C7orf25: variants seen among roughly 807,000 people sequenced by gnomAD.
C7orf25 encodes chromosome 7 open reading frame 25.
Under a neutral mutation model 25.5 loss-of-function variants are expected in C7orf25, and 14 were observed. The ratio of observed to expected loss-of-function variants is 0.55; its 90% confidence interval spans 0.36 to 0.86. The LOEUF (loss-of-function observed/expected upper bound fraction) is 0.86. Among genes scored for constraint, C7orf25 ranks in the 40% least tolerant of loss-of-function variants. The probability of loss-of-function intolerance (pLI) is 0.01; values close to 1 mark genes in which losing one functional copy is unlikely to be tolerated. For synonymous variants in C7orf25, 184 were observed against 179.9 expected (o/e 1.02, Z -0.18); for missense variants, 405 against 493.9 (o/e 0.82, Z 1.71).
In C7orf25 at chr7:42,909,785, T is replaced by C; in HGVS notation, c.1116A>G (p.Thr372=). The C allele has an allele frequency of 6.2e-7, 1 of 1,614,180 alleles. No individual in the cohort carries two copies. The highest frequency in any genetic ancestry group is 1.1e-5 in the South Asian group (1 of 91,086). The change falls in exon 2 of 2, where the codon ACA becomes ACG. Residue 372 remains threonine, a synonymous_variant. Transcript: ENST00000350427. The part of the protein sequence containing the change: ...FGTGDTLKAI[T]MTANSGFVRA... ...TGACAAAACCACTATTAGCAGTCAT[T>C]GTGATGGCTTTTAGGGTGTCTCCCG...
In C7orf25 at chr7:42,910,528, C is replaced by G; in HGVS notation, c.373G>C (p.Glu125Gln). Residue 125 changes from glutamate (E) to glutamine (Q), a missense_variant, in exon 2 of 2, where the codon GAA (glutamate) becomes CAA (glutamine). By Grantham distance (29) the Glu-to-Gln change is conservative. Transcript: ENST00000350427. ...CCCAGCCAGATGTTATGAAGAGCTT[C>G]AGCCTTCCGGCCAATGGCTTTCACC... ...TWVKAIGRKA[E>Q]ALHNIWLGRG... 6.2e-7 allele frequency: 1 copy of G among 1,614,250 alleles called. No individual in the cohort carries two copies. The highest frequency in any genetic ancestry group is 8.5e-7 in the Non-Finnish European group (1 of 1,180,048).
chr7:42,911,960 C>G lies in C7orf25; in HGVS notation c.-67G>C, dbSNP rs1484102859. 2 of 1,491,686 alleles carry G rather than the reference C, an allele frequency of 1.3e-6. No homozygotes were observed. Among genetic ancestry groups the G allele is most frequent in the East Asian group, 5.7e-5 (2 of 34,824 alleles). The allele number at this position is 1,491,686 out of a possible 1,614,324, so 92.4% of individuals were successfully genotyped here. A position where few individuals can be genotyped will look rare whatever the true frequency, so the allele number is the denominator to read the frequency against. On this transcript the variant is annotated 5_prime_UTR_variant, in exon 1 of 2. Transcript: ENST00000350427. ...GCGCGAGCACGCAGGCGCGTGCACG[C>G]AGAGGCCGGGACCCGCCGGGAAATC... is the stretch of plus-strand genomic sequence containing the variant.
At chr7:42,911,686 C>T (rs1785904405) in intron 1 of C7orf25, 1 of 1,150,940 alleles carries the variant, frequency 8.7e-7, no homozygotes, top group Non-Finnish European at 1.1e-6. Context: ...GCGGGGCCTT[C>T]TCGGTGGGCT....
rs557840899 is a variant in C7orf25, at chr7:42,909,613, C to T, written c.*22G>A. ...CTTTGGTATAAATAACTTACTTCCA[C>T]AAAAATATTTAAAGGGTATCTTTAG... On this transcript the variant is annotated 3_prime_UTR_variant, in exon 2 of 2. Coordinates refer to ENST00000350427, the MANE Select transcript of C7orf25 (RefSeq NM_001099858.2). The T allele has an allele frequency of 3.2e-5, 51 of 1,581,138 alleles. 2 individuals carry two copies. In the South Asian group the frequency reaches 5.7e-4, roughly 18 times the overall value.
intron 1 of C7orf25, chr7:42,911,262 G>T: frequency 4.8e-6 from 3 of 628,604 alleles, no homozygotes; most frequent in Non-Finnish European, 7.0e-6. Flanking sequence ...TCTATCAGCG[G>T]CCTGTTTAAC....
chr7:42,911,747 A>T (rs1362660240), intron 1 of C7orf25, 168 bp downstream of exon 1: 1 of 1,213,212 alleles, frequency 8.2e-7, no homozygotes, highest in Non-Finnish European at 1.0e-6. Context: ...CCCTGCCAGG[A>T]GGGGCCGGGG....
Position 42,910,817 on chromosome 7 carries a change from T to G in C7orf25, c.84A>C (p.Arg28Ser). The G allele has an allele frequency of 6.2e-7, 1 of 1,614,244 alleles. No individual in the cohort carries two copies. Among genetic ancestry groups the G allele is most frequent in the Non-Finnish European group, 8.5e-7 (1 of 1,180,046 alleles). The change falls in exon 2 of 2, where the codon AGA becomes AGC. Residue 28 changes from arginine (R) to serine (S), a missense_variant. Physicochemically the swap from Arg to Ser is moderately radical, Grantham distance 110 (BLOSUM62 -1). Coordinates refer to ENST00000350427, the MANE Select transcript of C7orf25 (RefSeq NM_001099858.2). ...TTGCACCACCTTCTATGCCACCTTT[T>G]CTTGATCTAGAAAGTGATTCTGCTC... The part of the protein sequence containing the change: ...IKRAESLSRS[R>S]KGGIEGGAKL...
Position 42,910,781 on chromosome 7 carries a change from G to C in C7orf25, c.120C>G (p.Ser40Arg). 5.0e-6 allele frequency: 8 copies of C among 1,614,156 alleles called. No homozygotes were observed. The highest frequency in any genetic ancestry group is 6.8e-6 in the Non-Finnish European group (8 of 1,180,028). ...AGAATTTTAATTCTGCCTTCAATTT[G>C]CTGCACAGCTTTGCACCACCTTCTA... The part of the protein sequence containing the change: ...GGIEGGAKLC[S>R]KLKAELKFLQ... Residue 40 changes from serine to arginine, a missense_variant, in exon 2 of 2, where the codon AGC (serine) becomes AGG (arginine). By Grantham distance (110) the Ser-to-Arg change is moderately radical. Coordinates refer to ENST00000350427, the MANE Select transcript of C7orf25 (RefSeq NM_001099858.2).
chr7:42,911,721 C>T lies in C7orf25; in HGVS notation c.-22+194G>A, dbSNP rs867181112. 6.2e-5 allele frequency: 74 copies of T among 1,193,370 alleles called. 3 individuals are homozygous for T. The South Asian group carries it at 3.0e-3, about 48-fold the overall frequency. The allele number at this position is 1,193,370 out of a possible 1,614,324, so 73.9% of individuals were successfully genotyped here. On this transcript the variant is annotated intron_variant, in intron 1 of 1. Transcript: ENST00000350427. Reference sequence around the variant, plus strand: ...TGCGGGGCCCTCGGCCCTGCCCGGCCACCTGCACAGCCGGGCCCTGCCAGG... The same window carrying T: ...TGCGGGGCCCTCGGCCCTGCCCGGCTACCTGCACAGCCGGGCCCTGCCAGG...
intron 1 of C7orf25, 126 bp downstream of exon 1, chr7:42,911,789 C>T: frequency 7.9e-7 from 1 of 1,266,476 alleles, no homozygotes; most frequent in Non-Finnish European, 9.9e-7. Context: ...CGCCGCGGCT[C>T]AGGGACCAGG....
At position 42,910,452 on chromosome 7, in the gene C7orf25, AG is replaced by A; in HGVS notation, c.448del (p.Leu150SerfsTer32). On this transcript the variant is annotated frameshift_variant, in exon 2 of 2. Coordinates refer to ENST00000350427, the MANE Select transcript of C7orf25 (RefSeq NM_001099858.2). LOFTEE classifies it high-confidence loss of function. ...KSIIEQAEDF[L>X]QASHQQPVQY... is the part of the protein sequence containing the mutation. ...CACTGGCTGCTGGTGACTGGCCTGG[AG>A]GAAGTCTTCAGCCTGCTCAATGATG... is the stretch of plus-strand genomic sequence containing the variant. The A allele has an allele frequency of 1.2e-6, 2 of 1,614,276 alleles. No individual in the cohort carries two copies. The highest frequency in any genetic ancestry group is 1.7e-6 in the Non-Finnish European group (2 of 1,180,050).
chr7:42,909,685 C>T lies in C7orf25; in HGVS notation c.1216G>A (p.Ala406Thr), dbSNP rs1484244406. ...TCTTTTGGTAAGGGGGTGGCTAGAG[C>T]CTCTTTACTCTCAGTAAGTGCTCTG... is the stretch of plus-strand genomic sequence containing the variant. ...QPRALTESKE[A>T]LATPLPKDYT... The change falls in exon 2 of 2, where the codon GCT (alanine) becomes ACT (threonine). Residue 406 changes from alanine to threonine, a missense_variant. Ala to Thr is a moderately conservative substitution (Grantham distance 58). Transcript: ENST00000350427. 2.5e-6 allele frequency: 4 copies of T among 1,613,972 alleles called. No individual in the cohort carries two copies. The African/African-American group carries it at 5.3e-5, about 22-fold the overall frequency.
chr7:42,911,587 G>A, intron 1 of C7orf25: 1 of 1,028,046 alleles, frequency 9.7e-7, no homozygotes, highest in Non-Finnish European at 1.2e-6. Context: ...AGGAAAATCC[G>A]AAGATGAAAC....
rs1202335295 is a variant in C7orf25, at chr7:42,909,923, CCT to C, written c.976_977del (p.Arg326GlyfsTer6). 4 of 1,613,966 alleles carry C rather than the reference CCT, an allele frequency of 2.5e-6. No individual in the cohort carries two copies. Among genetic ancestry groups the C allele is most frequent in the Non-Finnish European group, 8.5e-7 (1 of 1,180,002 alleles). The part of the protein sequence containing the change: ...DTLGGPGERE[R>X]ATVLIKRINV... ...TAATTCGCTTAATTAACACAGTGGCCCTCTCTCTCTCCCCAGGTCCTCCTAAG... is the reference window on the plus strand; with the variant it reads ...TAATTCGCTTAATTAACACAGTGGCCCTCTCTCTCCCCAGGTCCTCCTAAG... On this transcript the variant is annotated frameshift_variant, in exon 2 of 2. Transcript: ENST00000350427. LOFTEE classifies it high-confidence loss of function.
At chr7:42,911,748 G>A in intron 1 of C7orf25, 167 bp downstream of exon 1, 3 of 1,219,288 alleles carry the variant, frequency 2.5e-6, no homozygotes, top group Non-Finnish European at 3.1e-6. Context: ...CCTGCCAGGA[G>A]GGGCCGGGGC....
chr7:42,910,020 G>C lies in C7orf25; in HGVS notation c.881C>G (p.Ala294Gly), dbSNP rs182397640. The C allele has an allele frequency of 3.1e-6, 5 of 1,614,118 alleles. No individual in the cohort carries two copies. The highest frequency in any genetic ancestry group is 3.3e-5 in the Admixed American group (2 of 60,008). Reference protein sequence around the residue: ...RKEQVLPQLEAFMKDKELFAC... With the variant: ...RKEQVLPQLEGFMKDKELFAC... ...AAACAACTCCTTGTCCTTCATAAAG[G>C]CCTCCAGCTGAGGTAGAACCTGCTC... The change falls in exon 2 of 2, where the codon GCC becomes GGC. Residue 294 changes from alanine (A) to glycine (G), a missense_variant. Physicochemically the swap from Ala to Gly is moderately conservative, Grantham distance 60 (BLOSUM62 0). Coordinates refer to ENST00000350427, the MANE Select transcript of C7orf25 (RefSeq NM_001099858.2).
chr7:42,910,105 C>T lies in C7orf25; in HGVS notation c.796G>A (p.Gly266Ser). ...TTCTCTTTGAAAATAAAGTGGCAGC[C>T]TCCATAGCTGAGGGCAGATACATAT... ...ITYVSALSYG[G>S]CHFIFKEKVL... Residue 266 changes from glycine (G) to serine (S), a missense_variant, in exon 2 of 2, where the codon GGC becomes AGC. By Grantham distance (56) the Gly-to-Ser change is moderately conservative. Coordinates refer to ENST00000350427, the MANE Select transcript of C7orf25 (RefSeq NM_001099858.2). The T allele has an allele frequency of 1.9e-6, 3 of 1,614,156 alleles. No individual in the cohort carries two copies. The highest frequency in any genetic ancestry group is 1.7e-6 in the Non-Finnish European group (2 of 1,180,038).
Position 42,910,246 on chromosome 7 carries a change from G to T in C7orf25, c.655C>A (p.Leu219Ile). 1 of 1,614,208 alleles carries T rather than the reference G, an allele frequency of 6.2e-7. No homozygotes were observed. Among genetic ancestry groups the T allele is most frequent in the Non-Finnish European group, 8.5e-7 (1 of 1,180,042 alleles). ...CGGTCAACTCTGGTCACCTGCAAAA[G>T]TTCAGGGCCCTCATCATCTGATTCA... ...ESESDDEGPELLQVTRVDREN... is the reference protein window; with the variant it reads ...ESESDDEGPEILQVTRVDREN... The change falls in exon 2 of 2, where the codon CTT becomes ATT. Residue 219 changes from leucine (L) to isoleucine (I), a missense_variant. Leu to Ile is a conservative substitution (Grantham distance 5). Transcript: ENST00000350427.
chr7:42,911,797 A>G, intron 1 of C7orf25, 118 bp downstream of exon 1: 1 of 1,277,456 alleles, frequency 7.8e-7, no homozygotes, highest in Non-Finnish European at 9.9e-7. Context: ...CTCAGGGACC[A>G]GGCGCTGATA....
Sources: allele counts gnomAD v4.1 joint callset, GRCh38; gene constraint gnomAD v4.1.1; transcripts MANE v1.5; gene names NCBI Gene and HGNC (gene_info 2026-07-23, HGNC 2026-07-21).